Variants in ROBO1 observed in about 807,000 individuals in gnomAD.
The protein encoded by ROBO1 is roundabout homolog 1.
ROBO1 carries 149 observed loss-of-function variants against 195.9 expected under a neutral mutation model. The ratio of observed to expected loss-of-function variants is 0.76; its 90% CI spans 0.67 to 0.87. The LOEUF is 0.87. Ranked by LOEUF, ROBO1 falls within the 40% of genes least tolerant of loss-of-function variation. ROBO1 has a pLI of 0.00. For missense variants in ROBO1, 1,933 were observed against 2,068.3 expected (o/e 0.93, Z 1.27); for synonymous variants, 816 against 733.2 (o/e 1.11, Z -1.82).
At chr3:79,500,662 A>AT (rs1167433194) in intron 2 of ROBO1, among the ~76,000 whole-genome samples, 2 of 152,088 alleles carry the variant, frequency 1.3e-5, no homozygotes, top group African/African-American at 4.8e-5. Flanking sequence ...TCATTAATCA[A>AT]TTTTCAAGTT....
At chr3:78,705,890 T>C (rs1320811334) in intron 8 of ROBO1, among the ~76,000 whole-genome samples, 1 of 152,066 alleles carries the variant, frequency 6.6e-6, no homozygotes, top group African/African-American at 2.4e-5. Context: ...TGGCAGATGG[T>C]GGGAATTCTT....
At chr3:78,992,446 C>A (rs1372546464) in intron 3 of ROBO1, among the ~76,000 whole-genome samples, 1 of 152,136 alleles carries the variant, frequency 6.6e-6, no homozygotes, top group Non-Finnish European at 1.5e-5. Flanking sequence ...TCACCACTAG[C>A]AACAATTTTG....
chr3:79,407,095 T>C (rs1204873079), intron 2 of ROBO1, among the ~76,000 whole-genome samples: 1 of 151,982 alleles, frequency 6.6e-6, no homozygotes, highest in East Asian at 1.9e-4. Flanking sequence ...ATTTTTTGTG[T>C]GTGTGTATTT....
intron 2 of ROBO1, among the ~76,000 whole-genome samples, chr3:79,172,291 T>C (rs931614839): frequency 6.6e-6 from 1 of 152,180 alleles, no homozygotes; most frequent in Non-Finnish European, 1.5e-5. Context: ...TCATTGCAGG[T>C]TATTATGAGT....
intron 2 of ROBO1, among the ~76,000 whole-genome samples, chr3:79,512,188 CAT>C (rs5850431): frequency 0.37 from 56,699 of 151,800 alleles, 11,162 homozygotes; most frequent in East Asian, 0.49. Context: ...GTTTATATCA[CAT>C]AGAATTATTA....
chr3:79,235,672 G>A (rs1679505639), intron 2 of ROBO1, among the ~76,000 whole-genome samples: 2 of 152,048 alleles, frequency 1.3e-5, no homozygotes, highest in African/African-American at 2.4e-5. Flanking sequence ...CCTCTGCCCA[G>A]TGCTGTTTCC....
intron 1 of ROBO1, among the ~76,000 whole-genome samples, chr3:79,599,565 A>G (rs918490293): frequency 4.6e-5 from 7 of 152,128 alleles, no homozygotes; most frequent in South Asian, 2.1e-4. Flanking sequence ...TACTATAATC[A>G]TTAAAGAATC....
intron 2 of ROBO1, among the ~76,000 whole-genome samples, chr3:79,212,121 A>ATTGTTTGTG (rs2081975949): frequency 6.6e-6 from 1 of 152,214 alleles, no homozygotes; most frequent in African/African-American, 2.4e-5. Context: ...GCCTTTAAGC[A>ATTGTTTGTG]GTTTTCCCGC....
intron 1 of ROBO1, among the ~76,000 whole-genome samples, chr3:79,720,304 T>C (rs1702645217): frequency 6.6e-6 from 1 of 152,152 alleles, no homozygotes; most frequent in African/African-American, 2.4e-5. Flanking sequence ...AGAGAGATAC[T>C]GAGTAGGTGC....
chr3:78,712,023 A>AC (rs2081766828), intron 8 of ROBO1, among the ~76,000 whole-genome samples: 3 of 137,426 alleles, frequency 2.2e-5, no homozygotes, highest in Non-Finnish European at 4.9e-5. Context: ...TTGGCAAAAA[A>AC]AAAAAAAAAA....
chr3:78,919,395 G>T (rs771575398), intron 4 of ROBO1, among the ~76,000 whole-genome samples: 1 of 152,198 alleles, frequency 6.6e-6, no homozygotes, highest in Non-Finnish European at 1.5e-5. Flanking sequence ...GCAAGGTTGA[G>T]AATCAATTAA....
At chr3:79,652,077 C>A (rs1292948850) in intron 1 of ROBO1, among the ~76,000 whole-genome samples, 10 of 152,030 alleles carry the variant, frequency 6.6e-5, no homozygotes, top group Non-Finnish European at 1.0e-4. Context: ...TCACATTCAG[C>A]ATATGAATAA....
chr3:79,621,712 G>A (rs1400341887), intron 1 of ROBO1, among the ~76,000 whole-genome samples: 2 of 152,158 alleles, frequency 1.3e-5, no homozygotes, highest in African/African-American at 2.4e-5. Flanking sequence ...AGGAGCAAAT[G>A]CTAAGGGAAT....
intron 4 of ROBO1, among the ~76,000 whole-genome samples, chr3:78,859,948 G>A (rs529703060): frequency 2.0e-5 from 3 of 152,128 alleles, no homozygotes; most frequent in Admixed American, 6.5e-5. Flanking sequence ...GCGTGGTGGC[G>A]GACGCCTGTG....
At chr3:79,172,268 G>A (rs186578630) in intron 2 of ROBO1, among the ~76,000 whole-genome samples, 74 of 152,176 alleles carry the variant, frequency 4.9e-4, no homozygotes, top group African/African-American at 1.7e-3. Context: ...TAGCCAGTTG[G>A]GTCAAATTCC....
intron 4 of ROBO1, among the ~76,000 whole-genome samples, chr3:78,842,618 C>T: frequency 6.8e-6 from 1 of 146,626 alleles, no homozygotes; most frequent in East Asian, 2.0e-4. Flanking sequence ...ATATATGGCA[C>T]CTAAGCACAC....
intron 1 of ROBO1, among the ~76,000 whole-genome samples, chr3:79,658,347 A>G (rs577909723): frequency 4.6e-5 from 7 of 152,088 alleles, no homozygotes; most frequent in African/African-American, 9.7e-5. Flanking sequence ...GAATATTTCA[A>G]ATAATTAGGT....
intron 2 of ROBO1, among the ~76,000 whole-genome samples, chr3:79,406,523 T>G (rs893430572): frequency 6.6e-6 from 1 of 151,934 alleles, no homozygotes; most frequent in African/African-American, 2.4e-5. Flanking sequence ...CCCCAAAAGC[T>G]AGAAGTTTTG....
intron 2 of ROBO1, among the ~76,000 whole-genome samples, chr3:79,551,070 T>C (rs2107674358): frequency 6.6e-6 from 1 of 152,276 alleles, no homozygotes; most frequent in South Asian, 2.1e-4. Context: ...TTGCCAGATG[T>C]TGGTCTCTGG....
Sources: gnomAD v4.1 joint callset for allele counts (sites outside exome capture counted in the v4.1 genomes callset) on GRCh38, gnomAD v4.1.1 for gene constraint, MANE v1.5 for transcripts, NCBI Gene and HGNC (gene_info 2026-07-23, HGNC 2026-07-21) for gene names.